HHLA1: variants seen among roughly 807,000 people sequenced by gnomAD.
HHLA1 encodes HHLA1 neighbor of OC90.
In HHLA1, 72 loss-of-function variants were observed where a neutral mutation model predicts 69.9. The ratio of observed to expected loss-of-function variants is 1.03; its 90% CI spans 0.85 to 1.25. HHLA1 has a LOEUF of 1.25. Among genes scored for constraint, HHLA1 ranks in the 50% most tolerant of loss-of-function variants. The pLI, the probability that HHLA1 is intolerant of heterozygous loss-of-function variation, is 0.00. For synonymous variants in HHLA1, 252 were observed against 233.2 expected, an observed-to-expected ratio of 1.08 and a Z score of -0.73; for missense variants, 685 against 642.2, an observed-to-expected ratio of 1.07 and a Z score of -0.72.
At chr8:132,107,495 T>C (rs1398833968) in intron 1 of HHLA1, among the ~76,000 whole-genome samples, 1 of 152,004 alleles carries the variant, frequency 6.6e-6, no homozygotes, top group East Asian at 1.9e-4. Context: ...GAGACAGGGT[T>C]TCTCCATGTT....
Position 132,063,392 on chromosome 8 carries a change from T to A in HHLA1, c.*603A>T, listed in dbSNP as rs988129832. ...AAGACAAGATGTCAATAAAAACAAC[T>A]CTCTAAACCTCCTCCTAATGATAAA... On this transcript the variant is annotated 3_prime_UTR_variant, in exon 17 of 17. Transcript: ENST00000414222. The A allele has an allele frequency of 6.6e-6, 1 of 152,142 alleles. No individual in the cohort carries two copies. The highest frequency in any genetic ancestry group is 2.4e-5 in the African/African-American group (1 of 41,412). The allele number at this position is 152,142 out of a possible 1,614,324, so 9.4% of individuals were successfully genotyped here. A position where few individuals can be genotyped will look rare whatever the true frequency, so the allele number is the denominator to read the frequency against.
At chr8:132,073,052 T>C (rs1823575423) in intron 14 of HHLA1, among the ~76,000 whole-genome samples, 1 of 152,268 alleles carries the variant, frequency 6.6e-6, no homozygotes, top group Non-Finnish European at 1.5e-5. Flanking sequence ...AGTTCAATAA[T>C]ATCTTTGACA....
At position 132,065,912 on chromosome 8, in the gene HHLA1, C is replaced by T. The variant is rs1436478674; in HGVS notation, c.1526G>A (p.Arg509Lys). The T allele has an allele frequency of 2.3e-6, 3 of 1,303,146 alleles. No individual in the cohort carries two copies. Among genetic ancestry groups the T allele is most frequent in the South Asian group, 2.5e-5 (2 of 80,988 alleles). 80.7% of individuals were successfully genotyped at this position (1,303,146 alleles called of 1,614,324 possible). The change falls in exon 16 of 17, where the codon AGG becomes AAG. Residue 509 changes from arginine to lysine, a missense_variant. Arg to Lys is a conservative substitution (Grantham distance 26). Coordinates refer to ENST00000414222, the MANE Select transcript of HHLA1 (RefSeq NM_001145095.3). ...FLKNATYICQ[R>K]VKRVSHSHTL... Reference sequence around the variant, plus strand: ...GTGCGAGTGGGACACCCTTTTCACCCTCTGACAGATATATGTTGCATTCTT... The same window carrying T: ...GTGCGAGTGGGACACCCTTTTCACCTTCTGACAGATATATGTTGCATTCTT...
intron 12 of HHLA1, among the ~76,000 whole-genome samples, chr8:132,077,090 T>G (rs1290400111): frequency 1.3e-5 from 2 of 152,088 alleles, no homozygotes; most frequent in Non-Finnish European, 2.9e-5. Flanking sequence ...TACAGTCTCC[T>G]TGTAGGAGAC....
chr8:132,095,290 T>G (rs1824004683), intron 7 of HHLA1, among the ~76,000 whole-genome samples: 1 of 152,222 alleles, frequency 6.6e-6, no homozygotes, highest in African/African-American at 2.4e-5. Flanking sequence ...ATGATGGATA[T>G]TTAGGTTGTT....
Position 132,087,856 on chromosome 8 carries a change from G to A in HHLA1, c.578C>T (p.Thr193Ile), listed in dbSNP as rs527668803. ...ESDCIFICVM[T>I]GKSGRNLSDF... ...GTCTAGTGGTTTACCTGACTTTCCTGTCATCACACAGATGAAGATGCAATC... is the reference window on the plus strand; with the variant it reads ...GTCTAGTGGTTTACCTGACTTTCCTATCATCACACAGATGAAGATGCAATC... Residue 193 changes from threonine to isoleucine, a missense_variant, in exon 9 of 17, where the codon ACA (threonine) becomes ATA (isoleucine). Physicochemically the swap from Thr to Ile is moderately conservative, Grantham distance 89 (BLOSUM62 -1). Transcript: ENST00000414222. 166 of 1,551,398 alleles carry A rather than the reference G, an allele frequency of 1.1e-4. No individual in the cohort carries two copies. The South Asian group carries it at 1.9e-3, about 17-fold the overall frequency.
rs1470647124 is a variant in HHLA1 at position 132,070,281 on chromosome 8, C to T, written c.1469+1059G>A. ...GTCAGCATTGTAGGACAGAAAATGT[C>T]CATGTCTAGACCTTCTTAATATAAA... On this transcript the variant is annotated intron_variant, in intron 15 of 16. Coordinates refer to ENST00000414222, the MANE Select transcript of HHLA1 (RefSeq NM_001145095.3). 7.1e-6 allele frequency: 5 copies of T among 699,956 alleles called. No homozygotes were observed. The East Asian group carries it at 1.3e-4, about 19-fold the overall frequency. 43.4% of individuals were successfully genotyped at this position (699,956 alleles called of 1,614,324 possible). A position where few individuals can be genotyped will look rare whatever the true frequency, so the allele number is the denominator to read the frequency against.
intron 11 of HHLA1, among the ~76,000 whole-genome samples, chr8:132,079,220 TAA>T (rs1293377411): frequency 2.0e-5 from 3 of 152,216 alleles, no homozygotes; most frequent in East Asian, 3.9e-4. Flanking sequence ...CCACTGGTGT[TAA>T]GTCATTAACA....
intron 11 of HHLA1, 80 bp from the exon 12 acceptor site, chr8:132,078,051 A>G (rs1823677844): frequency 2.0e-6 from 3 of 1,466,486 alleles, no homozygotes; most frequent in South Asian, 2.5e-5. Flanking sequence ...TGAGACATTG[A>G]AACGTTATCA....
chr8:132,106,601 G>C (rs1824205703), intron 1 of HHLA1, among the ~76,000 whole-genome samples: 1 of 152,214 alleles, frequency 6.6e-6, no homozygotes, highest in Non-Finnish European at 1.5e-5. Flanking sequence ...CCCAGTGCCT[G>C]GCACATCGTT....
At chr8:132,073,578 G>A (rs139839433) in intron 14 of HHLA1, among the ~76,000 whole-genome samples, 34 of 152,302 alleles carry the variant, frequency 2.2e-4, no homozygotes, top group African/African-American at 8.2e-4. Flanking sequence ...CTCTGCAGTT[G>A]TATCAGTTAT....
intron 13 of HHLA1, 37 bp downstream of exon 13, chr8:132,076,438 C>CAA: frequency 2.6e-6 from 3 of 1,143,136 alleles, no homozygotes; most frequent in Non-Finnish European, 3.8e-6. Context: ...TCCCATCCCC[C>CAA]ACCCCCAAAC....
chr8:132,085,267 C>CT (rs1563745007), intron 10 of HHLA1: 1 of 179,912 alleles, frequency 5.6e-6, no homozygotes, highest in Non-Finnish European at 1.2e-5. Flanking sequence ...AACATATCTC[C>CT]TTTGCCTCTA....
chr8:132,108,907 T>A (rs1445705273), intron 1 of HHLA1, among the ~76,000 whole-genome samples: 6 of 152,234 alleles, frequency 3.9e-5, no homozygotes, highest in Admixed American at 2.6e-4. Context: ...CTCAAAGCTC[T>A]TTTCCTTTGT....
chr8:132,098,134 T>C (rs1824052201), intron 5 of HHLA1, among the ~76,000 whole-genome samples: 1 of 152,234 alleles, frequency 6.6e-6, no homozygotes, highest in Non-Finnish European at 1.5e-5. Flanking sequence ...CTATGAATAT[T>C]GATTGAAGAA....
intron 1 of HHLA1, among the ~76,000 whole-genome samples, chr8:132,107,989 A>T (rs1824233948): frequency 6.6e-6 from 1 of 152,204 alleles, no homozygotes; most frequent in Admixed American, 6.5e-5. Flanking sequence ...GGTCAGACAG[A>T]TCTTACTTGA....
intron 10 of HHLA1, chr8:132,085,730 T>C (rs1003358589): frequency 1.3e-5 from 2 of 150,976 alleles, no homozygotes; most frequent in African/African-American, 2.5e-5. Flanking sequence ...AGGGGGTTTG[T>C]TCTCTGGCGG....
intron 10 of HHLA1, among the ~76,000 whole-genome samples, chr8:132,083,582 G>T (rs1377508615): frequency 6.6e-6 from 1 of 152,218 alleles, no homozygotes; most frequent in Admixed American, 6.5e-5. Context: ...GGGAGTGGCT[G>T]CCAGGTGAGT....
Position 132,087,205 on chromosome 8 carries a change from G to A in HHLA1, c.676+448C>T, listed in dbSNP as rs115079670. Among the ~76,000 whole-genome samples the A allele has an allele frequency of 6.1e-3, 934 of 152,356 alleles. 8 individuals are homozygous for A. Among genetic ancestry groups the A allele is most frequent in the African/African-American group, 0.022 (900 of 41,588 alleles). On this transcript the variant is annotated intron_variant, in intron 10 of 16. Transcript: ENST00000414222. Reference sequence around the variant, plus strand: ...GAAGGAGTTCCAGATGGAGACAACAGCATGCCCAATGTGGCACAGAGGGGC... The same window carrying A: ...GAAGGAGTTCCAGATGGAGACAACAACATGCCCAATGTGGCACAGAGGGGC...
Sources: gnomAD v4.1 joint callset for allele counts (sites outside exome capture counted in the v4.1 genomes callset) on GRCh38, gnomAD v4.1.1 for gene constraint, MANE v1.5 for transcripts, NCBI Gene and HGNC (gene_info 2026-07-23, HGNC 2026-07-21) for gene names.